MEGF11: variants seen among roughly 807,000 people sequenced by gnomAD.
MEGF11 encodes multiple epidermal growth factor-like domains protein 11.
MEGF11 carries 126 observed loss-of-function variants against 146.6 expected under a neutral mutation model. That is an observed-to-expected ratio of 0.86 (90% confidence interval 0.74 to 1.00). MEGF11 has a LOEUF of 1.00. MEGF11 is among the 50% of genes least tolerant of loss of function. MEGF11 has a pLI of 0.00. For synonymous variants in MEGF11, 532 were observed against 583.4 expected (o/e 0.91, Z 1.27); for missense variants, 1,509 against 1,521.2 (o/e 0.99, Z 0.13).
At chr15:65,943,817 G>A (rs1418911837) in intron 10 of MEGF11, among the ~76,000 whole-genome samples, 1 of 152,212 alleles carries the variant, frequency 6.6e-6, no homozygotes, top group African/African-American at 2.4e-5. Context: ...ACGGGTCAAA[G>A]TCAGGGAGGG....
intron 10 of MEGF11, among the ~76,000 whole-genome samples, chr15:65,951,049 A>AT (rs1406805356): frequency 7.2e-5 from 11 of 152,220 alleles, no homozygotes; most frequent in Non-Finnish European, 1.6e-4. Flanking sequence ...TGTGGTAGGC[A>AT]TTGTAGGCTT....
chr15:65,939,869 G>A (rs2079923457), intron 10 of MEGF11, among the ~76,000 whole-genome samples: 1 of 152,180 alleles, frequency 6.6e-6, no homozygotes, highest in African/African-American at 2.4e-5. Context: ...ACTTACCACA[G>A]TTGTAATGAA....
At chr15:66,033,782 ATTTTTAT>A (rs893142296) in intron 5 of MEGF11, among the ~76,000 whole-genome samples, 4 of 151,772 alleles carry the variant, frequency 2.6e-5, no homozygotes, top group African/African-American at 9.7e-5. Flanking sequence ...GGATTTATTT[ATTTTTAT>A]TTTTTATTTT....
chr15:66,229,291 G>A (rs747090725), intron 1 of MEGF11, among the ~76,000 whole-genome samples: 27 of 151,782 alleles, frequency 1.8e-4, no homozygotes, highest in Admixed American at 1.4e-3. Flanking sequence ...GCCCCAATGC[G>A]CACCAGGGCC....
At position 66,023,151 on chromosome 15, in the gene MEGF11, A is replaced by AAAAAAAAAAC. The variant is rs768042311; in HGVS notation, c.395-40664_395-40663insGTTTTTTTTT. On this transcript the variant is annotated intron_variant, in intron 5 of 25. Coordinates refer to ENST00000395614, the MANE Select transcript of MEGF11 (RefSeq NM_001385028.1). ...GTGAGACTCCATCTCAAAAAAAAAAAAAAACAAACTTGTTTGAAGCTCTAG... is the reference window on the plus strand; with the variant it reads ...GTGAGACTCCATCTCAAAAAAAAAAAAAAAAAAAACAAAACAAACTTGTTTGAAGCTCTAG... Among the ~76,000 whole-genome samples the AAAAAAAAAAC allele has an allele frequency of 6.2e-4, 93 of 150,210 alleles. No individual in the cohort carries two copies. The East Asian group carries it at 8.6e-3, about 14-fold the overall frequency.
intron 1 of MEGF11, among the ~76,000 whole-genome samples, chr15:66,222,012 T>G (rs2091750477): frequency 6.6e-6 from 1 of 152,142 alleles, no homozygotes; most frequent in Non-Finnish European, 1.5e-5. Flanking sequence ...GTGGCAGCAG[T>G]TTTCGATACC....
intron 8 of MEGF11, among the ~76,000 whole-genome samples, chr15:65,966,140 G>A (rs1567180396): frequency 6.6e-6 from 1 of 152,014 alleles, no homozygotes; most frequent in African/African-American, 2.4e-5. Context: ...GGACTACAGG[G>A]GTGCACTGCC....
chr15:66,040,213 A>C (rs929882553), intron 5 of MEGF11: 1 of 154,940 alleles, frequency 6.5e-6, no homozygotes, highest in Non-Finnish European at 1.5e-5. Flanking sequence ...GCTAGACACC[A>C]AAGTGAGTGG....
At chr15:66,188,566 G>T (rs954908694) in intron 1 of MEGF11, among the ~76,000 whole-genome samples, 16 of 152,160 alleles carry the variant, frequency 1.1e-4, no homozygotes, top group Non-Finnish European at 1.0e-4. Flanking sequence ...GCTTGGTTCT[G>T]GTTTCCCCTC....
chr15:66,009,278 G>A (rs997398120), intron 5 of MEGF11, among the ~76,000 whole-genome samples: 1 of 146,912 alleles, frequency 6.8e-6, no homozygotes, highest in African/African-American at 2.5e-5. Context: ...TAGCACATGA[G>A]TGCTATAAAT....
chr15:66,155,601 C>T (rs1394326910), intron 1 of MEGF11, among the ~76,000 whole-genome samples: 2 of 152,176 alleles, frequency 1.3e-5, no homozygotes, highest in Non-Finnish European at 2.9e-5. Flanking sequence ...CTCAATCTCT[C>T]CATGTGGAAG....
intron 5 of MEGF11, among the ~76,000 whole-genome samples, chr15:66,012,439 T>G (rs2082737851): frequency 6.6e-6 from 1 of 152,140 alleles, no homozygotes; most frequent in Non-Finnish European, 1.5e-5. Flanking sequence ...ACCCCAAAGC[T>G]AGAGCCAATG....
intron 5 of MEGF11, among the ~76,000 whole-genome samples, chr15:66,047,231 T>C (rs2084245199): frequency 6.6e-6 from 1 of 152,226 alleles, no homozygotes; most frequent in South Asian, 2.1e-4. Flanking sequence ...GTCAATAGCA[T>C]GGCATAGTGA....
At chr15:65,950,902 C>T (rs2080380356) in intron 10 of MEGF11, among the ~76,000 whole-genome samples, 1 of 152,266 alleles carries the variant, frequency 6.6e-6, no homozygotes, top group Non-Finnish European at 1.5e-5. Flanking sequence ...CCCAGCCCTA[C>T]TGGCAAGGCC....
At chr15:66,136,259 C>T (rs1338476425) in intron 1 of MEGF11, among the ~76,000 whole-genome samples, 1 of 152,236 alleles carries the variant, frequency 6.6e-6, no homozygotes, top group Non-Finnish European at 1.5e-5. Context: ...ATCAGTATTG[C>T]TGTCGTGGTC....
chr15:65,976,541 C>T, intron 7 of MEGF11, among the ~76,000 whole-genome samples: 1 of 152,162 alleles, frequency 6.6e-6, no homozygotes, highest in East Asian at 1.9e-4. Flanking sequence ...AGAAGATGGC[C>T]ATCTACAAGC....
chr15:65,954,204 A>T (rs2080498297), intron 10 of MEGF11, among the ~76,000 whole-genome samples: 1 of 152,264 alleles, frequency 6.6e-6, no homozygotes, highest in Non-Finnish European at 1.5e-5. Flanking sequence ...CTGACTACCT[A>T]TCCTAAAATC....
intron 4 of MEGF11, 130 bp from the exon 5 acceptor site, chr15:66,094,624 T>TG (rs901419003): frequency 4.2e-5 from 30 of 716,428 alleles, no homozygotes; most frequent in East Asian, 1.4e-4. Context: ...ATGACTGGCT[T>TG]GGGGGGGAAA....
intron 1 of MEGF11, among the ~76,000 whole-genome samples, chr15:66,167,239 G>A (rs1229996062): frequency 6.6e-6 from 1 of 152,170 alleles, no homozygotes; most frequent in Non-Finnish European, 1.5e-5. Context: ...GGGCAGAAGA[G>A]GTTGTGCCCC....
Sources: gnomAD v4.1 joint callset for allele counts (sites outside exome capture counted in the v4.1 genomes callset) on GRCh38, gnomAD v4.1.1 for gene constraint, MANE v1.5 for transcripts, NCBI Gene and HGNC (gene_info 2026-07-23, HGNC 2026-07-21) for gene names.